ABTB3: variants seen among roughly 807,000 people sequenced by gnomAD.
The protein encoded by ABTB3 is ankyrin repeat- and BTB/POZ domain-containing protein 3.
At chr12:107,355,122 G>A in the ABTB3 span, among the ~76,000 whole-genome samples, 4 of 152,198 alleles carry the variant, frequency 2.6e-5, no homozygotes, top group Non-Finnish European at 5.9e-5. Flanking sequence ...ACCTGAGCGG[G>A]GGCTTTTTAT....
At chr12:107,393,302 G>T in the ABTB3 span, among the ~76,000 whole-genome samples, 1 of 144,818 alleles carries the variant, frequency 6.9e-6, no homozygotes, top group Non-Finnish European at 1.5e-5. Context: ...GGGCAGGAAG[G>T]TGATCTCTGG....
At chr12:107,608,405 G>C in the ABTB3 span, among the ~76,000 whole-genome samples, 2 of 152,252 alleles carry the variant, frequency 1.3e-5, no homozygotes, top group South Asian at 2.1e-4. Context: ...TAAGGACTAC[G>C]TCACAGGTCC....
the ABTB3 span, among the ~76,000 whole-genome samples, chr12:107,621,654 G>A: frequency 6.6e-6 from 1 of 152,124 alleles, no homozygotes; most frequent in Non-Finnish European, 1.5e-5. Context: ...TCATAAGATA[G>A]ACAAACTGTG....
the ABTB3 span, among the ~76,000 whole-genome samples, chr12:107,507,464 C>A: frequency 2.0e-5 from 3 of 152,154 alleles, no homozygotes; most frequent in South Asian, 6.2e-4. Flanking sequence ...CCCATTGACT[C>A]CCTCCCTCTG....
chr12:107,627,250 C>T, the ABTB3 span, among the ~76,000 whole-genome samples: 1 of 152,216 alleles, frequency 6.6e-6, no homozygotes, highest in Non-Finnish European at 1.5e-5. Context: ...CCCCTCTCCT[C>T]ATTCAGTTCT....
the ABTB3 span, among the ~76,000 whole-genome samples, chr12:107,419,593 C>T: frequency 6.6e-6 from 1 of 152,178 alleles, no homozygotes; most frequent in East Asian, 1.9e-4. Context: ...CAGCCGCTCT[C>T]TGTCTCCTGT....
chr12:107,401,707 C>T, the ABTB3 span, among the ~76,000 whole-genome samples: 2 of 152,144 alleles, frequency 1.3e-5, no homozygotes, highest in Non-Finnish European at 1.5e-5. Flanking sequence ...ACAAATTTGG[C>T]CCCTAATGTT....
the ABTB3 span, among the ~76,000 whole-genome samples, chr12:107,647,147 T>C: frequency 6.6e-5 from 10 of 152,134 alleles, no homozygotes; most frequent in East Asian, 1.9e-4. Flanking sequence ...CTGGGCAACA[T>C]AGCGAAATCC....
chr12:107,550,962 T>A, the ABTB3 span, among the ~76,000 whole-genome samples: 1 of 152,116 alleles, frequency 6.6e-6, no homozygotes, highest in Non-Finnish European at 1.5e-5. Flanking sequence ...CCATTATTAG[T>A]CACACAAGTC....
the ABTB3 span, among the ~76,000 whole-genome samples, chr12:107,517,415 G>T: frequency 6.6e-6 from 1 of 152,160 alleles, no homozygotes; most frequent in Admixed American, 6.5e-5. Context: ...AAAGTCATTG[G>T]TAGCTTGATG....
At chr12:107,597,497 C>T in the ABTB3 span, among the ~76,000 whole-genome samples, 6 of 152,292 alleles carry the variant, frequency 3.9e-5, no homozygotes, top group East Asian at 1.2e-3. Flanking sequence ...AACTAGCCCA[C>T]TCCCATGATA....
At chr12:107,561,720 A>G in the ABTB3 span, among the ~76,000 whole-genome samples, 1 of 152,286 alleles carries the variant, frequency 6.6e-6, no homozygotes, top group South Asian at 2.1e-4. Context: ...AGTCTGCTCC[A>G]TAAACCGCTC....
chr12:107,450,716 G>A, the ABTB3 span, among the ~76,000 whole-genome samples: 2 of 152,120 alleles, frequency 1.3e-5, no homozygotes, highest in Non-Finnish European at 2.9e-5. Flanking sequence ...GGGAACTAGA[G>A]GTCACTGGTT....
the ABTB3 span, chr12:107,612,904 G>T: frequency 6.3e-7 from 1 of 1,593,706 alleles, no homozygotes; most frequent in Non-Finnish European, 8.6e-7. Context: ...CCCCTCGGCC[G>T]GCAGTCCCCA....
At chr12:107,417,149 CTCAT>C in the ABTB3 span, among the ~76,000 whole-genome samples, 1 of 152,138 alleles carries the variant, frequency 6.6e-6, no homozygotes, top group African/African-American at 2.4e-5. Context: ...AGGAGGTTTC[CTCAT>C]TCATTCATCC....
the ABTB3 span, among the ~76,000 whole-genome samples, chr12:107,469,947 T>C: frequency 9.0e-5 from 3 of 33,188 alleles, 1 homozygote; most frequent in African/African-American, 3.2e-4. Flanking sequence ...TCTTTCTCTT[T>C]CTTTCTTTCT....
At chr12:107,417,160 A>T in the ABTB3 span, among the ~76,000 whole-genome samples, 1 of 152,228 alleles carries the variant, frequency 6.6e-6, no homozygotes, top group Admixed American at 6.5e-5. Context: ...TCATTCATTC[A>T]TCCAAGCGTA....
the ABTB3 span, chr12:107,612,632 C>T: frequency 2.1e-5 from 16 of 773,138 alleles, no homozygotes; most frequent in South Asian, 9.0e-5. Flanking sequence ...TGTGACCTTA[C>T]GAGTCACAGG....
At chr12:107,502,667 C>T in the ABTB3 span, among the ~76,000 whole-genome samples, 24 of 152,202 alleles carry the variant, frequency 1.6e-4, no homozygotes, top group Admixed American at 7.2e-4. Context: ...AGGTGAGCAG[C>T]GGGCGAGCGA....
Sources: allele counts gnomAD v4.1 joint callset (sites outside exome capture counted in the v4.1 genomes callset), GRCh38; gene constraint gnomAD v4.1.1; transcripts MANE v1.5; gene names NCBI Gene and HGNC (gene_info 2026-07-23, HGNC 2026-07-21).